Variants in NDUFS4 observed in about 807,000 individuals in gnomAD.
NDUFS4 encodes the protein NADH:ubiquinone oxidoreductase subunit S4.
Under a neutral mutation model 24.3 loss-of-function variants are expected in NDUFS4, and 28 were observed. That is an observed-to-expected ratio of 1.15 (90% CI 0.85 to 1.58). NDUFS4 has a LOEUF of 1.58. Ranked by LOEUF, NDUFS4 falls within the 40% of genes most tolerant of loss-of-function variation. The pLI is 0.00. For synonymous variants in NDUFS4, 93 were observed against 69.7 expected (o/e 1.34, Z -1.67); for missense variants, 223 against 207.9 (o/e 1.07, Z -0.45).
At chr5:53,598,200 A>G (rs1008858368) in intron 1 of NDUFS4, among the ~76,000 whole-genome samples, 3 of 152,150 alleles carry the variant, frequency 2.0e-5, no homozygotes, top group Non-Finnish European at 2.9e-5. Context: ...GCAGTTTCCT[A>G]CAAAGCTAAA....
intron 4 of NDUFS4, among the ~76,000 whole-genome samples, chr5:53,679,408 A>G (rs1740578489): frequency 6.6e-6 from 1 of 152,024 alleles, no homozygotes; most frequent in African/African-American, 2.4e-5. Flanking sequence ...TGATACTTCT[A>G]TTTATGTTGT....
chr5:53,634,269 A>C (rs1010290328), intron 2 of NDUFS4, among the ~76,000 whole-genome samples: 3 of 152,172 alleles, frequency 2.0e-5, no homozygotes, highest in South Asian at 4.1e-4. Flanking sequence ...TCATTATTAA[A>C]TCTGAAGCGT....
intron 1 of NDUFS4, among the ~76,000 whole-genome samples, chr5:53,589,727 AC>A (rs1451190492): frequency 1.3e-5 from 2 of 152,094 alleles, no homozygotes; most frequent in Non-Finnish European, 2.9e-5. Context: ...AGGCAGACCC[AC>A]CCGTAATCTG....
chr5:53,632,549 T>G (rs1030946506), intron 2 of NDUFS4, among the ~76,000 whole-genome samples: 24 of 152,192 alleles, frequency 1.6e-4, no homozygotes, highest in African/African-American at 4.1e-4. Flanking sequence ...GAAATGTCAT[T>G]TGACTCAGCA....
At chr5:53,658,164 ATTG>A (rs1752218374) in intron 3 of NDUFS4, among the ~76,000 whole-genome samples, 3 of 152,114 alleles carry the variant, frequency 2.0e-5, no homozygotes, top group Admixed American at 2.0e-4. Context: ...AAGAATGTGT[ATTG>A]TTGCATTTTC....
chr5:53,592,899 C>A (rs1750019491), intron 1 of NDUFS4, among the ~76,000 whole-genome samples: 1 of 152,100 alleles, frequency 6.6e-6, no homozygotes, highest in South Asian at 2.1e-4. Context: ...TGGAATAAAT[C>A]CTGCTTGGTC....
intron 2 of NDUFS4, among the ~76,000 whole-genome samples, chr5:53,605,372 G>C (rs1290140090): frequency 6.6e-6 from 1 of 152,036 alleles, no homozygotes; most frequent in Non-Finnish European, 1.5e-5. Flanking sequence ...TTTCTATAAA[G>C]TTTTCAAATT....
chr5:53,601,009 T>G (rs1750302124), intron 1 of NDUFS4, among the ~76,000 whole-genome samples: 2 of 149,432 alleles, frequency 1.3e-5, no homozygotes, highest in African/African-American at 4.9e-5. Flanking sequence ...ATAAATTTTT[T>G]TTTTTTTTTT....
At chr5:53,574,995 T>A (rs1749336871) in intron 1 of NDUFS4, among the ~76,000 whole-genome samples, 1 of 152,144 alleles carries the variant, frequency 6.6e-6, no homozygotes, top group Non-Finnish European at 1.5e-5. Context: ...AGAAGAACCC[T>A]CCTTCAGATT....
chr5:53,668,303 C>G (rs1053789406), intron 4 of NDUFS4, among the ~76,000 whole-genome samples: 1 of 152,028 alleles, frequency 6.6e-6, no homozygotes, highest in Non-Finnish European at 1.5e-5. Context: ...AAAAGCCTAC[C>G]TGTTATCTCC....
intron 1 of NDUFS4, among the ~76,000 whole-genome samples, chr5:53,575,678 A>G (rs1305049358): frequency 6.6e-6 from 1 of 151,488 alleles, no homozygotes; most frequent in Admixed American, 6.6e-5. Flanking sequence ...AGTAGCTGGA[A>G]TTGCAGGTGT....
At chr5:53,649,726 C>T (rs1026194269) in intron 3 of NDUFS4, among the ~76,000 whole-genome samples, 28 of 152,132 alleles carry the variant, frequency 1.8e-4, no homozygotes, top group African/African-American at 4.1e-4. Context: ...AATGGTAGTT[C>T]TGTTTTTAGT....
intron 1 of NDUFS4, among the ~76,000 whole-genome samples, chr5:53,587,037 T>C (rs1248701282): frequency 6.6e-6 from 1 of 152,116 alleles, no homozygotes; most frequent in Non-Finnish European, 1.5e-5. Context: ...TTGGCCAGGC[T>C]GGTTTCGAAC....
At chr5:53,675,019 T>TAA (rs1158037893) in intron 4 of NDUFS4, among the ~76,000 whole-genome samples, 2 of 151,990 alleles carry the variant, frequency 1.3e-5, no homozygotes, top group Non-Finnish European at 2.9e-5. Flanking sequence ...TAAGTACTCT[T>TAA]AAAAAGTACT....
At chr5:53,680,830 A>AAAC (rs1381829441) in intron 4 of NDUFS4, among the ~76,000 whole-genome samples, 1 of 152,048 alleles carries the variant, frequency 6.6e-6, no homozygotes, top group Non-Finnish European at 1.5e-5. Flanking sequence ...ATGTACCCTA[A>AAAC]AACTTAGTAT....
chr5:53,638,950 AT>A (rs557952056), intron 2 of NDUFS4, among the ~76,000 whole-genome samples: 1 of 151,982 alleles, frequency 6.6e-6, no homozygotes, highest in Admixed American at 6.6e-5. Flanking sequence ...ATGAGATAAG[AT>A]TTTTTTCCCC....
chr5:53,664,432 A>G (rs1238711724), intron 4 of NDUFS4, among the ~76,000 whole-genome samples: 2 of 152,194 alleles, frequency 1.3e-5, no homozygotes, highest in Non-Finnish European at 2.9e-5. Context: ...GTGTTTTCCA[A>G]CTTGGTTCCA....
At chr5:53,666,629 A>G (rs1445741933) in intron 4 of NDUFS4, among the ~76,000 whole-genome samples, 5 of 150,816 alleles carry the variant, frequency 3.3e-5, no homozygotes, top group African/African-American at 1.2e-4. Flanking sequence ...GGTGGAATAA[A>G]TGACTTTCTA....
In NDUFS4 at chr5:53,567,356, C is replaced by T. The variant is rs769915336; in HGVS notation, c.98+6596C>T. Among the ~76,000 whole-genome samples, 4 of 152,118 alleles carry T rather than the reference C, an allele frequency of 2.6e-5. No homozygotes were observed. In the South Asian group the frequency reaches 8.3e-4, roughly 32 times the overall value. ...CCAAGTGTCTTCTTTATTTGAGAGACCATGGAATGCTCTTATCTTTACTGT... is the reference window on the plus strand; with the variant it reads ...CCAAGTGTCTTCTTTATTTGAGAGATCATGGAATGCTCTTATCTTTACTGT... On this transcript the variant is annotated intron_variant, in intron 1 of 4. Transcript: ENST00000296684.
Sources: allele counts gnomAD v4.1 joint callset (sites outside exome capture counted in the v4.1 genomes callset), GRCh38; gene constraint gnomAD v4.1.1; transcripts MANE v1.5; gene names NCBI Gene and HGNC (gene_info 2026-07-23, HGNC 2026-07-21).